UQCRH: variants seen among roughly 807,000 people sequenced by gnomAD.
The protein encoded by UQCRH is cytochrome b-c1 complex subunit 6, mitochondrial.
A neutral mutation model predicts 16.3 loss-of-function variants in UQCRH; 14 were observed. The observed-to-expected ratio is 0.86, with a 90% CI of 0.57 to 1.34. UQCRH has a LOEUF of 1.34. UQCRH is among the 40% of genes most tolerant of loss of function. UQCRH has a pLI of 0.00. For synonymous variants in UQCRH, 41 were observed against 41.9 expected (o/e 0.98, Z 0.08); for missense variants, 89 against 111.9 (o/e 0.80, Z 0.92).
chr1:46,311,025 G>A (rs1482781646), intron 3 of UQCRH, among the ~76,000 whole-genome samples: 1 of 150,548 alleles, frequency 6.6e-6, no homozygotes, highest in Non-Finnish European at 1.5e-5. Flanking sequence ...CCGAGATTGC[G>A]CCACTGCAGT....
At position 46,306,883 on chromosome 1, in the gene UQCRH, A is replaced by G. The variant is rs78024956; in HGVS notation, c.55-2218A>G. Among the ~76,000 whole-genome samples the G allele has an allele frequency of 1.0e-3, 156 of 152,126 alleles. 1 individual carries two copies. In the South Asian group the frequency reaches 0.016, roughly 16 times the overall value. ...TGAATGGCATGGTAGAGGATGAAACATGTATTAGGACTTTTTTTGGAGACG... is the reference window on the plus strand; with the variant it reads ...TGAATGGCATGGTAGAGGATGAAACGTGTATTAGGACTTTTTTTGGAGACG... On this transcript the variant is annotated intron_variant, in intron 1 of 3. Transcript: ENST00000311672.
chr1:46,316,722 G>T lies in UQCRH; in HGVS notation c.*138G>T, dbSNP rs939528891. On this transcript the variant is annotated 3_prime_UTR_variant, in exon 4 of 4. Coordinates refer to ENST00000311672, the MANE Select transcript of UQCRH (RefSeq NM_006004.4). ...CTCATGGGTTTGGCTTAGGCTGGTAGCTTCTATGTAATTCGCAATGATTCC... is the reference window on the plus strand; with the variant it reads ...CTCATGGGTTTGGCTTAGGCTGGTATCTTCTATGTAATTCGCAATGATTCC... 1.6e-6 allele frequency: 2 copies of T among 1,251,400 alleles called. No individual in the cohort carries two copies. Among genetic ancestry groups the T allele is most frequent in the African/African-American group, 3.1e-5 (2 of 64,056 alleles). 77.5% of individuals were successfully genotyped at this position (1,251,400 alleles called of 1,614,324 possible).
In UQCRH at chr1:46,316,737, G is replaced by T; in HGVS notation, c.*153G>T. The T allele has an allele frequency of 9.5e-7, 1 of 1,048,952 alleles. No individual in the cohort carries two copies. The highest frequency in any genetic ancestry group is 1.3e-6 in the Non-Finnish European group (1 of 751,950). 65.0% of individuals were successfully genotyped at this position (1,048,952 alleles called of 1,614,324 possible). A position where few individuals can be genotyped will look rare whatever the true frequency, so the allele number is the denominator to read the frequency against. ...TAGGCTGGTAGCTTCTATGTAATTC[G>T]CAATGATTCCATCTAAATAAAAGTT... On this transcript the variant is annotated 3_prime_UTR_variant, in exon 4 of 4. Coordinates refer to ENST00000311672, the MANE Select transcript of UQCRH (RefSeq NM_006004.4).
intron 3 of UQCRH, among the ~76,000 whole-genome samples, chr1:46,310,656 C>T (rs959776790): frequency 3.3e-5 from 5 of 152,194 alleles, no homozygotes; most frequent in South Asian, 4.1e-4. Context: ...TTTCTAGTGA[C>T]GGGGCCTTGT....
In UQCRH at chr1:46,310,150, A is replaced by C. The variant is rs763711552; in HGVS notation, c.82-5A>C. On this transcript the variant is annotated splice_polypyrimidine_tract_variant and splice_region_variant and intron_variant, in intron 2 of 3. Transcript: ENST00000311672. ...CATTTTGTTTTTTTTCTGTTTCTACATCAGGATCCCCTAACAACAGTGAGA... is the reference window on the plus strand; with the variant it reads ...CATTTTGTTTTTTTTCTGTTTCTACCTCAGGATCCCCTAACAACAGTGAGA... 1 of 1,614,210 alleles carries C rather than the reference A, an allele frequency of 6.2e-7. No individual in the cohort carries two copies. The highest frequency in any genetic ancestry group is 8.5e-7 in the Non-Finnish European group (1 of 1,180,034).
chr1:46,309,760 T>C, intron 2 of UQCRH: 1 of 692,638 alleles, frequency 1.4e-6, no homozygotes, highest in African/African-American at 1.9e-5. Flanking sequence ...GCAGCTGGGG[T>C]GCATAGGCCT....
At chr1:46,315,400 T>C (rs1228044529) in intron 3 of UQCRH, among the ~76,000 whole-genome samples, 1 of 151,376 alleles carries the variant, frequency 6.6e-6, no homozygotes, top group East Asian at 1.9e-4. Flanking sequence ...GCCATTGCAC[T>C]CCAGCCTGGG....
At chr1:46,308,081 A>G (rs1033159656) in intron 1 of UQCRH, among the ~76,000 whole-genome samples, 3 of 152,206 alleles carry the variant, frequency 2.0e-5, no homozygotes, top group Non-Finnish European at 4.4e-5. Flanking sequence ...CATAAGAGAT[A>G]TGAAGGTGCT....
Position 46,316,625 on chromosome 1 carries a change from A to G in UQCRH, c.*41A>G, listed in dbSNP as rs375048438. On this transcript the variant is annotated 3_prime_UTR_variant, in exon 4 of 4. Coordinates refer to ENST00000311672, the MANE Select transcript of UQCRH (RefSeq NM_006004.4). ...TCACCCCAGTCTTCATCATCTGGGC[A>G]TCAGAATATTTCCTTATGGTTTTGG... is the stretch of plus-strand genomic sequence containing the variant. 2.5e-6 allele frequency: 4 copies of G among 1,610,046 alleles called. No homozygotes were observed. The African/African-American group carries it at 4.0e-5, about 16-fold the overall frequency.
chr1:46,316,533 T>A lies in UQCRH; in HGVS notation c.244-19T>A. The A allele has an allele frequency of 6.2e-7, 1 of 1,613,624 alleles. No homozygotes were observed. The highest frequency in any genetic ancestry group is 1.1e-5 in the South Asian group (1 of 91,030). On this transcript the variant is annotated intron_variant, in intron 3 of 3. Transcript: ENST00000311672. ...TTAAAGCTGCCAATTGATTACCTCC[T>A]TTTCTTTCCCCCATCTAGGTGGCCC...
chr1:46,314,030 T>A (rs1015305089), intron 3 of UQCRH, among the ~76,000 whole-genome samples: 2 of 152,170 alleles, frequency 1.3e-5, no homozygotes, highest in African/African-American at 2.4e-5. Flanking sequence ...ATGCAAAGAT[T>A]TTTTTAAAAT....
At chr1:46,304,040 T>C (rs748208651) in intron 1 of UQCRH, among the ~76,000 whole-genome samples, 4 of 152,228 alleles carry the variant, frequency 2.6e-5, no homozygotes, top group Admixed American at 2.6e-4. Context: ...ATTCTGTGAA[T>C]GTAGTGAAGG....
intron 3 of UQCRH, among the ~76,000 whole-genome samples, chr1:46,311,476 C>T (rs574968734): frequency 1.3e-4 from 20 of 148,574 alleles, no homozygotes; most frequent in Non-Finnish European, 6.0e-5. Flanking sequence ...TACTCGGGAG[C>T]CTGAGGCAGG....
At chr1:46,310,406 A>G in intron 3 of UQCRH, 90 bp downstream of exon 3, 2 of 1,581,860 alleles carry the variant, frequency 1.3e-6, no homozygotes, top group Non-Finnish European at 1.7e-6. Flanking sequence ...GGAAAGGCCC[A>G]TCAGTTACTC....
intron 1 of UQCRH, among the ~76,000 whole-genome samples, chr1:46,306,894 C>CT (rs2148333041): frequency 6.6e-6 from 1 of 152,076 alleles, no homozygotes; most frequent in Non-Finnish European, 1.5e-5. Context: ...TGTATTAGGA[C>CT]TTTTTTTGGA....
At chr1:46,305,540 G>T (rs1164454247) in intron 1 of UQCRH, among the ~76,000 whole-genome samples, 1 of 150,758 alleles carries the variant, frequency 6.6e-6, no homozygotes, top group East Asian at 2.0e-4. Flanking sequence ...GGATCAGGAG[G>T]TCAGGAGATC....
chr1:46,314,523 T>C (rs1205493036), intron 3 of UQCRH, among the ~76,000 whole-genome samples: 2 of 150,990 alleles, frequency 1.3e-5, no homozygotes, highest in African/African-American at 2.4e-5. Context: ...ACACAAAAAT[T>C]GGCTGCGCAT....
intron 2 of UQCRH, 25 bp downstream of exon 2, chr1:46,309,152 A>G (rs745838928): frequency 6.2e-7 from 1 of 1,606,000 alleles, no homozygotes; most frequent in South Asian, 1.1e-5. Flanking sequence ...AGGTTTGGAA[A>G]CATCTCAGTA....
At chr1:46,303,952 C>T in intron 1 of UQCRH, 132 bp downstream of exon 1, 5 of 1,149,294 alleles carry the variant, frequency 4.4e-6, no homozygotes, top group Non-Finnish European at 6.2e-6. Flanking sequence ...GCTCTAGTTC[C>T]CTCGACCTTT....
Sources: gnomAD v4.1 joint callset for allele counts (sites outside exome capture counted in the v4.1 genomes callset) on GRCh38, gnomAD v4.1.1 for gene constraint, MANE v1.5 for transcripts, NCBI Gene and HGNC (gene_info 2026-07-23, HGNC 2026-07-21) for gene names.